Variants in VEGFA observed in about 807,000 individuals in gnomAD.
VEGFA encodes vascular endothelial growth factor A, long form.
VEGFA carries 20 observed loss-of-function variants against 49.7 expected under a neutral mutation model. The ratio of observed to expected loss-of-function variants is 0.40; its 90% CI spans 0.28 to 0.58. The LOEUF is 0.58. VEGFA is among the 20% of genes least tolerant of loss of function. The probability of loss-of-function intolerance (pLI) is 0.40; values close to 1 mark genes in which losing one functional copy is unlikely to be tolerated. For synonymous variants in VEGFA, 219 were observed against 223.4 expected (o/e 0.98, Z 0.18); for missense variants, 505 against 553.5 (o/e 0.91, Z 0.88).
chr6:43,775,234 T>G (rs1420201990), intron 2 of VEGFA: 1 of 152,464 alleles, frequency 6.6e-6, no homozygotes, highest in African/African-American at 2.4e-5. Flanking sequence ...GGACCTGGCT[T>G]CTCAGCCACT....
At position 43,784,641 on chromosome 6, in the gene VEGFA, G is replaced by A. The variant is rs201676874; in HGVS notation, c.*79G>A. ...CAGGAAAGACTGATACAGAACGATC[G>A]ATACAGAAACCACGCTGCCGCCACC... On this transcript the variant is annotated 3_prime_UTR_variant, in exon 8 of 8. Transcript: ENST00000672860. 92 of 1,613,270 alleles carry A rather than the reference G, an allele frequency of 5.7e-5. No individual in the cohort carries two copies. The highest frequency in any genetic ancestry group is 8.3e-5 in the Admixed American group (5 of 60,018).
intron 5 of VEGFA, chr6:43,779,689 T>C (rs1455547829): frequency 2.1e-6 from 1 of 469,856 alleles, no homozygotes; most frequent in Admixed American, 2.2e-5. Context: ...GCCTCTTCCC[T>C]CAGCTCCCAG....
chr6:43,780,619 C>T lies in VEGFA; in HGVS notation c.963-113C>T, dbSNP rs3025016. 1.0e-3 allele frequency: 1,495 copies of T among 1,481,610 alleles called. 32 individuals are homozygous for T. The East Asian group carries it at 0.021, about 21-fold the overall frequency. 91.8% of individuals were successfully genotyped at this position (1,481,610 alleles called of 1,614,324 possible). ...GCCTCCTGACACTTCCTCCGGGAAG[C>T]GGCCCTGTGTGGCTTTGCTTTGGTC... is the stretch of plus-strand genomic sequence containing the variant. On this transcript the variant is annotated intron_variant, in intron 5 of 7. Coordinates refer to ENST00000672860, the MANE Select transcript of VEGFA (RefSeq NM_003376.6).
chr6:43,777,442 GC>G lies in VEGFA; in HGVS notation c.659-26del. The G allele has an allele frequency of 6.2e-7, 1 of 1,613,064 alleles. No individual in the cohort carries two copies. Among genetic ancestry groups the G allele is most frequent in the Non-Finnish European group, 8.5e-7 (1 of 1,179,920 alleles). ...AGCCATCTTTTGTGTCGCCCACCGG[GC>G]TCATGTGTCATCGCCTCTCATGCAG... On this transcript the variant is annotated intron_variant, in intron 2 of 7. Transcript: ENST00000672860. The surrounding 1 kb of genome is among the most constrained non-coding windows in gnomAD (Gnocchi z 4.3).
At position 43,779,173 on chromosome 6, in the gene VEGFA, C is replaced by G. The variant is rs1043149522; in HGVS notation, c.962+255C>G. The G allele has an allele frequency of 8.3e-5, 49 of 593,280 alleles. No homozygotes were observed. In the Middle Eastern group the frequency reaches 1.4e-3, roughly 16 times the overall value. 36.8% of individuals were successfully genotyped at this position (593,280 alleles called of 1,614,324 possible). ...ATGCCTTCTGGGTCTCCAGATCATT[C>G]CTGACCAGGACTTGCTGTTTCGGTG... On this transcript the variant is annotated intron_variant, in intron 5 of 7. Transcript: ENST00000672860.
In VEGFA at chr6:43,770,795, G is replaced by A. The variant is rs780163839; in HGVS notation, c.89G>A (p.Arg30His). 96 of 1,486,918 alleles carry A rather than the reference G, an allele frequency of 6.5e-5. 1 individual carries two copies. The Middle Eastern group carries it at 9.1e-4, about 14-fold the overall frequency. The allele number at this position is 1,486,918 out of a possible 1,614,324, so 92.1% of individuals were successfully genotyped here. A position where few individuals can be genotyped will look rare whatever the true frequency, so the allele number is the denominator to read the frequency against. ...CGGACAGTGGACGCGGCGGCGAGCC[G>A]CGGGCAGGGGCCGGAGCCCGCGCCC... is the stretch of plus-strand genomic sequence containing the variant. Residue 30 changes from arginine (R) to histidine (H), a missense_variant, in exon 1 of 8, where the codon CGC becomes CAC. By Grantham distance (29) the Arg-to-His change is conservative. Coordinates refer to ENST00000672860, the MANE Select transcript of VEGFA (RefSeq NM_003376.6).
intron 6 of VEGFA, chr6:43,781,557 T>A: frequency 2.9e-6 from 1 of 340,604 alleles, no homozygotes; most frequent in South Asian, 2.4e-5. Context: ...GGCCTGGACA[T>A]GAGCCTTGCA....
chr6:43,778,007 G>A (rs1766028492), intron 3 of VEGFA: 1 of 460,736 alleles, frequency 2.2e-6, no homozygotes, highest in South Asian at 2.4e-5. Context: ...AGCTGGATGA[G>A]CCTGGTCCAT....
chr6:43,785,673 G>T lies in VEGFA; in HGVS notation c.*1111G>T. The T allele has an allele frequency of 5.0e-6, 1 of 198,948 alleles. No homozygotes were observed. The highest frequency in any genetic ancestry group is 1.0e-5 in the Non-Finnish European group (1 of 96,226). 12.3% of individuals were successfully genotyped at this position (198,948 alleles called of 1,614,324 possible). On this transcript the variant is annotated 3_prime_UTR_variant, in exon 8 of 8. Coordinates refer to ENST00000672860, the MANE Select transcript of VEGFA (RefSeq NM_003376.6). ...GAGACCTGGTTGTGTGTGTGTGAGT[G>T]GTTGACCTTCCTCCATCCCCTGGTC...
In VEGFA at chr6:43,770,527, G is replaced by A. The variant is rs1763239272; in HGVS notation, c.-180G>A. Reference sequence around the variant, plus strand: ...GGATTTTGGAAACCAGCAGAAAGAGGAAAGAGGTAGCAAGAGCTCCAGAGA... The same window carrying A: ...GGATTTTGGAAACCAGCAGAAAGAGAAAAGAGGTAGCAAGAGCTCCAGAGA... On this transcript the variant is annotated 5_prime_UTR_variant, in exon 1 of 8. Coordinates refer to ENST00000672860, the MANE Select transcript of VEGFA (RefSeq NM_003376.6). The A allele has an allele frequency of 1.6e-6, 2 of 1,282,022 alleles. No individual in the cohort carries two copies. The highest frequency in any genetic ancestry group is 2.4e-5 in the South Asian group (1 of 40,894). The allele number at this position is 1,282,022 out of a possible 1,614,324, so 79.4% of individuals were successfully genotyped here. A position where few individuals can be genotyped will look rare whatever the true frequency, so the allele number is the denominator to read the frequency against.
rs774265827 is a variant in VEGFA, at chr6:43,780,773, G to T, written c.1004G>T (p.Arg335Leu). 3.7e-6 allele frequency: 6 copies of T among 1,613,792 alleles called. No homozygotes were observed. Among genetic ancestry groups the T allele is most frequent in the East Asian group, 4.5e-5 (2 of 44,868 alleles). Residue 335 changes from arginine to leucine, a missense_variant, in exon 6 of 8, where the codon CGC becomes CTC. Coordinates refer to ENST00000672860, the MANE Select transcript of VEGFA (RefSeq NM_003376.6). ...AAGGGAAAGGGGCAAAAACGAAAGC[G>T]CAAGAAATCCCGGTATAAGTCCTGG... is the stretch of plus-strand genomic sequence containing the variant.
rs1386842839 is a variant in VEGFA at position 43,777,796 on chromosome 6, G to T, written c.855+131G>T. ...TCCTGCCCCTGAGTTGCACAGGGGA[G>T]GTATGGTGGGGTCTTGCCTTCTGTG... On this transcript the variant is annotated intron_variant, in intron 3 of 7. Transcript: ENST00000672860. The surrounding 1 kb of genome is among the most constrained non-coding windows in gnomAD (Gnocchi z 4.3). 5.3e-6 allele frequency: 5 copies of T among 944,386 alleles called. No homozygotes were observed. Among genetic ancestry groups the T allele is most frequent in the African/African-American group, 1.6e-5 (1 of 60,776 alleles). 58.5% of individuals were successfully genotyped at this position (944,386 alleles called of 1,614,324 possible).
chr6:43,774,950 C>A, intron 2 of VEGFA: 1 of 164,986 alleles, frequency 6.1e-6, no homozygotes, highest in Non-Finnish European at 1.3e-5. Flanking sequence ...GGCTGTAGCT[C>A]CCAGGCGCCC....
intron 2 of VEGFA, chr6:43,775,770 C>T (rs3024994): frequency 0.038 from 5,818 of 152,294 alleles, 161 homozygotes; most frequent in East Asian, 0.065. Context: ...CGTAACCCTT[C>T]GTGGGTAGAG....
Position 43,784,650 on chromosome 6 carries a change from A to T in VEGFA, c.*88A>T. 1 of 1,608,844 alleles carries T rather than the reference A, an allele frequency of 6.2e-7. No homozygotes were observed. The highest frequency in any genetic ancestry group is 2.2e-5 in the East Asian group (1 of 44,854). On this transcript the variant is annotated 3_prime_UTR_variant, in exon 8 of 8. Transcript: ENST00000672860. Reference sequence around the variant, plus strand: ...CTGATACAGAACGATCGATACAGAAACCACGCTGCCGCCACCACACCATCA... The same window carrying T: ...CTGATACAGAACGATCGATACAGAATCCACGCTGCCGCCACCACACCATCA...
intron 1 of VEGFA, 36 bp downstream of exon 1, chr6:43,771,348 T>G (rs1198138076): frequency 6.3e-7 from 1 of 1,583,966 alleles, no homozygotes; most frequent in Non-Finnish European, 8.6e-7. Context: ...CGCGGGCCGC[T>G]GCGAGCGCCT....
rs752907384 is a variant in VEGFA, at chr6:43,782,077, C to T, written c.1156C>T (p.Arg386Cys). ...GGCGAGGCAGCTTGAGTTAAACGAACGTACTTGCAGGTTGGTTCCCAGAGG... is the reference window on the plus strand; with the variant it reads ...GGCGAGGCAGCTTGAGTTAAACGAATGTACTTGCAGGTTGGTTCCCAGAGG... Residue 386 changes from arginine to cysteine, a missense_variant, in exon 7 of 8, where the codon CGT (arginine) becomes TGT (cysteine). Physicochemically the swap from Arg to Cys is radical, Grantham distance 180. Around this residue, in one of 2 missense-constraint regions of VEGFA, gnomAD observed 165 missense variants for 231.7 expected, o/e 0.71. Transcript: ENST00000672860. The T allele has an allele frequency of 5.0e-6, 8 of 1,613,722 alleles. No homozygotes were observed. Among genetic ancestry groups the T allele is most frequent in the East Asian group, 2.2e-5 (1 of 44,876 alleles).
rs1769202536 is a variant in VEGFA at position 43,784,913 on chromosome 6, C to T, written c.*351C>T. 2.9e-6 allele frequency: 1 copy of T among 343,192 alleles called. No homozygotes were observed. The highest frequency in any genetic ancestry group is 5.4e-6 in the Non-Finnish European group (1 of 183,946). 21.3% of individuals were successfully genotyped at this position (343,192 alleles called of 1,614,324 possible). A position where few individuals can be genotyped will look rare whatever the true frequency, so the allele number is the denominator to read the frequency against. ...TCCTGTAGACACACCCACCCACATA[C>T]ATACATTTATATATATATATATTAT... On this transcript the variant is annotated 3_prime_UTR_variant, in exon 8 of 8. Transcript: ENST00000672860.
chr6:43,780,654 T>TC, intron 5 of VEGFA, 78 bp from the exon 6 acceptor site: 1 of 1,440,356 alleles, frequency 6.9e-7, no homozygotes, highest in Non-Finnish European at 9.6e-7. Context: ...CGTTCCCCCA[T>TC]CCCTGCCCAC....
Sources: allele counts gnomAD v4.1 joint callset, GRCh38; gene constraint gnomAD v4.1.1; regional missense constraint gnomAD v4.1.1; non-coding constraint Gnocchi (gnomAD v3.1); transcripts MANE v1.5; gene names NCBI Gene and HGNC (gene_info 2026-07-23, HGNC 2026-07-21).